The following NALF1 variants were observed in gnomAD, a reference collection of about 807,000 sequenced individuals.
NALF1 encodes family with sequence similarity 155 member A.
A neutral mutation model predicts 48.4 loss-of-function variants in NALF1; 3 were observed. The ratio of observed to expected loss-of-function variants is 0.06; its 90% confidence interval spans 0.03 to 0.16. The LOEUF (loss-of-function observed/expected upper bound fraction) is 0.16. NALF1 is among the 10% of genes least tolerant of loss of function. NALF1 has a pLI of 1.00. For synonymous variants in NALF1, 262 were observed against 245.7 expected (o/e 1.07, Z -0.62); for missense variants, 526 against 571.5 (o/e 0.92, Z 0.81).
chr13:107,268,134 GCAC>G (rs1222851034), intron 1 of NALF1, among the ~76,000 whole-genome samples: 6 of 151,826 alleles, frequency 4.0e-5, no homozygotes, highest in Admixed American at 1.3e-4. Context: ...ACACAGGCAT[GCAC>G]CACCACCACA....
chr13:107,796,131 G>A (rs1292460573), intron 1 of NALF1, among the ~76,000 whole-genome samples: 1 of 152,096 alleles, frequency 6.6e-6, no homozygotes, highest in East Asian at 1.9e-4. Flanking sequence ...TGTGTGTGGT[G>A]ATGTATAGAT....
At chr13:107,663,097 T>C (rs908827413) in intron 1 of NALF1, among the ~76,000 whole-genome samples, 10 of 152,218 alleles carry the variant, frequency 6.6e-5, no homozygotes, top group African/African-American at 2.4e-4. Context: ...TAATTTCTTT[T>C]CATTGAAAAA....
chr13:107,706,276 C>A (rs907388792), intron 1 of NALF1, among the ~76,000 whole-genome samples: 1 of 152,146 alleles, frequency 6.6e-6, no homozygotes, highest in Non-Finnish European at 1.5e-5. Flanking sequence ...AAAATGCAGG[C>A]AGAACTCTGC....
intron 1 of NALF1, among the ~76,000 whole-genome samples, chr13:107,411,123 G>A (rs1488370203): frequency 6.6e-6 from 1 of 152,068 alleles, no homozygotes; most frequent in Admixed American, 6.6e-5. Context: ...CTTAGGGGTG[G>A]TTTGAGCTGT....
At chr13:107,398,206 G>A (rs758479732) in intron 1 of NALF1, among the ~76,000 whole-genome samples, 2 of 151,946 alleles carry the variant, frequency 1.3e-5, no homozygotes, top group Admixed American at 6.6e-5. Flanking sequence ...CATTGCTTAC[G>A]TATTTTCTTA....
chr13:107,206,891 G>A (rs190079145), intron 2 of NALF1, among the ~76,000 whole-genome samples: 1 of 152,324 alleles, frequency 6.6e-6, no homozygotes, highest in Non-Finnish European at 1.5e-5. Context: ...ATCCTAGAGG[G>A]AATTCTCCGT....
intron 1 of NALF1, among the ~76,000 whole-genome samples, chr13:107,386,995 T>C (rs1376765123): frequency 1.3e-5 from 2 of 152,144 alleles, no homozygotes; most frequent in African/African-American, 4.8e-5. Context: ...AGTTCATGTA[T>C]TAGCTATGCA....
chr13:107,362,757 G>A lies in NALF1; in HGVS notation c.916-152002C>T, dbSNP rs1883087186. ...GCTCCTATGATCCAGCAAACACCGT[G>A]TGTGCTTTTACAACTTTCCCATAGG... is the stretch of plus-strand genomic sequence containing the variant. On this transcript the variant is annotated intron_variant, in intron 1 of 2. Transcript: ENST00000375915. The surrounding 1 kb of genome is among the most constrained non-coding windows in gnomAD (Gnocchi z 4.6). Among the ~76,000 whole-genome samples the A allele has an allele frequency of 6.6e-6, 1 of 152,148 alleles. No homozygotes were observed. Among genetic ancestry groups the A allele is most frequent in the South Asian group, 2.1e-4 (1 of 4,826 alleles).
chr13:107,408,942 A>G (rs1394662209), intron 1 of NALF1, among the ~76,000 whole-genome samples: 1 of 152,198 alleles, frequency 6.6e-6, no homozygotes, highest in Non-Finnish European at 1.5e-5. Context: ...AACTATTTAT[A>G]GAAAACCAAG....
chr13:107,638,364 C>G (rs1458593779), intron 1 of NALF1, among the ~76,000 whole-genome samples: 1 of 151,648 alleles, frequency 6.6e-6, no homozygotes, highest in Non-Finnish European at 1.5e-5. Flanking sequence ...GTGGAGAACT[C>G]CCACTGAGTA....
At chr13:107,679,832 T>C (rs1401557860) in intron 1 of NALF1, among the ~76,000 whole-genome samples, 1 of 152,228 alleles carries the variant, frequency 6.6e-6, no homozygotes, top group Non-Finnish European at 1.5e-5. Flanking sequence ...CTCCATTTAG[T>C]TACTGAAGAA....
At chr13:107,842,593 A>G (rs886664839) in intron 1 of NALF1, among the ~76,000 whole-genome samples, 3 of 151,740 alleles carry the variant, frequency 2.0e-5, no homozygotes, top group African/African-American at 7.2e-5. Flanking sequence ...GCCTTATAAA[A>G]GAGTTTTATA....
chr13:107,356,181 T>C (rs1469459783), intron 1 of NALF1, among the ~76,000 whole-genome samples: 1 of 152,200 alleles, frequency 6.6e-6, no homozygotes, highest in African/African-American at 2.4e-5. Context: ...TGAATCTCTA[T>C]AGATGTGACC....
chr13:107,785,913 G>A (rs78781067), intron 1 of NALF1, among the ~76,000 whole-genome samples: 2,802 of 152,068 alleles, frequency 0.018, 97 homozygotes, highest in African/African-American at 0.064. Flanking sequence ...GTTTTATTTA[G>A]AGAGAGAGAA....
intron 1 of NALF1, among the ~76,000 whole-genome samples, chr13:107,839,370 G>A (rs1425794272): frequency 6.9e-6 from 1 of 144,690 alleles, no homozygotes; most frequent in African/African-American, 2.6e-5. Context: ...CATCTAGTAT[G>A]CTTCTGCTTC....
chr13:107,474,764 G>GT (rs1040988052), intron 1 of NALF1, among the ~76,000 whole-genome samples: 3 of 152,142 alleles, frequency 2.0e-5, no homozygotes, highest in East Asian at 1.9e-4. Flanking sequence ...TACCATGGAA[G>GT]TTTTTTTTGT....
At chr13:107,814,679 T>G (rs958136686) in intron 1 of NALF1, among the ~76,000 whole-genome samples, 1 of 151,876 alleles carries the variant, frequency 6.6e-6, no homozygotes, top group African/African-American at 2.4e-5. Flanking sequence ...TTCAAATACA[T>G]GAATCGAAAA....
chr13:107,400,823 T>C (rs937700421), intron 1 of NALF1, among the ~76,000 whole-genome samples: 1 of 152,214 alleles, frequency 6.6e-6, no homozygotes, highest in Non-Finnish European at 1.5e-5. Context: ...AAGTCTTTTG[T>C]AATGACAGTT....
chr13:107,849,577 G>A (rs886430041), intron 1 of NALF1, among the ~76,000 whole-genome samples: 12 of 152,006 alleles, frequency 7.9e-5, no homozygotes. Context: ...GCTGGCCTTG[G>A]GCTAATTGAA....
Sources: gnomAD v4.1 joint callset for allele counts (sites outside exome capture counted in the v4.1 genomes callset) on GRCh38, gnomAD v4.1.1 for gene constraint, Gnocchi (gnomAD v3.1) non-coding constraint, MANE v1.5 for transcripts, NCBI Gene and HGNC (gene_info 2026-07-23, HGNC 2026-07-21) for gene names.